Variants in DRC11 observed in about 807,000 individuals in gnomAD.
The protein encoded by DRC11 is IQ and AAA domain-containing protein 1.
the DRC11 span, among the ~76,000 whole-genome samples, chr2:236,398,069 C>G: frequency 6.6e-6 from 1 of 152,138 alleles, no homozygotes; most frequent in Non-Finnish European, 1.5e-5. The surrounding 1 kb of genome is among the most constrained non-coding windows in gnomAD (Gnocchi z 6.2). Context: ...CCTGCCCATA[C>G]GAGGAGAGCA....
chr2:236,484,211 T>C, the DRC11 span, among the ~76,000 whole-genome samples: 5 of 152,248 alleles, frequency 3.3e-5, no homozygotes, highest in Admixed American at 3.3e-4. Context: ...ACCTGACATA[T>C]ATATTTGTTA....
chr2:236,337,647 C>T, the DRC11 span, among the ~76,000 whole-genome samples: 1 of 152,238 alleles, frequency 6.6e-6, no homozygotes, highest in Non-Finnish European at 1.5e-5. The surrounding 1 kb of genome is among the most constrained non-coding windows in gnomAD (Gnocchi z 4.9). Flanking sequence ...ACTGCTTTGC[C>T]TCCCAGGGGC....
At chr2:236,450,314 CTTTTTTT>C in the DRC11 span, among the ~76,000 whole-genome samples, 8 of 82,374 alleles carry the variant, frequency 9.7e-5, no homozygotes, top group East Asian at 3.1e-4. Flanking sequence ...CTTTTCTTTT[CTTTTTTT>C]TTTTTTTTTT....
chr2:236,491,142 G>T, the DRC11 span, among the ~76,000 whole-genome samples: 1 of 39,352 alleles, frequency 2.5e-5, no homozygotes, highest in Non-Finnish European at 4.4e-5. Flanking sequence ...TATATATACA[G>T]TATATATATA....
the DRC11 span, among the ~76,000 whole-genome samples, chr2:236,366,096 G>T: frequency 1.3e-5 from 2 of 152,110 alleles, no homozygotes; most frequent in African/African-American, 4.8e-5. Flanking sequence ...CAGTGGACAC[G>T]GTTTCTGCTC....
the DRC11 span, among the ~76,000 whole-genome samples, chr2:236,356,215 G>A: frequency 5.3e-5 from 8 of 152,224 alleles, no homozygotes; most frequent in Non-Finnish European, 1.0e-4. Flanking sequence ...GATCCAGGGG[G>A]CCGCTGAAAC....
At chr2:236,425,399 C>T in the DRC11 span, among the ~76,000 whole-genome samples, 15 of 151,584 alleles carry the variant, frequency 9.9e-5, no homozygotes, top group African/African-American at 3.1e-4. Context: ...ATGTCTGTTG[C>T]GTTCAGCATT....
the DRC11 span, among the ~76,000 whole-genome samples, chr2:236,456,463 C>T: frequency 3.3e-5 from 5 of 152,176 alleles, no homozygotes; most frequent in Non-Finnish European, 7.3e-5. This position sits in a 1 kb window ranked among gnomAD's most constrained non-coding sequence, Gnocchi z 5.4. Context: ...CATCACATCA[C>T]AAGACTGAAA....
At chr2:236,368,101 T>A in the DRC11 span, 1 of 788,454 alleles carries the variant, frequency 1.3e-6, no homozygotes, top group East Asian at 2.7e-5. Flanking sequence ...AGGAGCACTG[T>A]ACTTTTGATG....
chr2:236,422,189 A>G, the DRC11 span, among the ~76,000 whole-genome samples: 5 of 152,210 alleles, frequency 3.3e-5, no homozygotes, highest in Admixed American at 6.5e-5. Context: ...TCAACATAGT[A>G]TTGGAAGTTC....
chr2:236,405,374 G>A, the DRC11 span, among the ~76,000 whole-genome samples: 1 of 151,510 alleles, frequency 6.6e-6, no homozygotes. The surrounding 1 kb of genome is among the most constrained non-coding windows in gnomAD (Gnocchi z 4.6). Flanking sequence ...CATGATCTGT[G>A]GTTTGTTGCA....
the DRC11 span, among the ~76,000 whole-genome samples, chr2:236,426,052 G>A: frequency 1.3e-5 from 2 of 151,914 alleles, no homozygotes; most frequent in African/African-American, 4.9e-5. The surrounding 1 kb of genome is among the most constrained non-coding windows in gnomAD (Gnocchi z 4.1). Context: ...AATATATTTG[G>A]AAATCAGGAA....
the DRC11 span, among the ~76,000 whole-genome samples, chr2:236,356,959 A>AAT: frequency 1.2e-4 from 13 of 110,312 alleles, no homozygotes; most frequent in Admixed American, 4.6e-4. Flanking sequence ...ATATATCATA[A>AAT]ATATATATAT....
the DRC11 span, among the ~76,000 whole-genome samples, chr2:236,357,233 G>A: frequency 2.0e-4 from 23 of 113,258 alleles, no homozygotes; most frequent in South Asian, 5.9e-3. Flanking sequence ...TATTATAAAT[G>A]TATATTCATA....
the DRC11 span, chr2:236,408,041 C>T: frequency 3.5e-6 from 2 of 576,082 alleles, no homozygotes; most frequent in Non-Finnish European, 6.7e-6. This position sits in a 1 kb window ranked among gnomAD's most constrained non-coding sequence, Gnocchi z 5.5. Context: ...AGGGTGAGCA[C>T]TCACTTCTTG....
the DRC11 span, among the ~76,000 whole-genome samples, chr2:236,378,366 G>A: frequency 2.0e-5 from 3 of 152,028 alleles, no homozygotes; most frequent in East Asian, 5.8e-4. Flanking sequence ...TCTAACAATC[G>A]AACAAATGAT....
chr2:236,312,565 A>G, the DRC11 span, among the ~76,000 whole-genome samples: 2 of 152,332 alleles, frequency 1.3e-5, no homozygotes, highest in Non-Finnish European at 2.9e-5. Flanking sequence ...ATAGATTTTC[A>G]GAAAAAATTG....
chr2:236,452,707 C>T, the DRC11 span, among the ~76,000 whole-genome samples: 2 of 152,226 alleles, frequency 1.3e-5, no homozygotes, highest in Admixed American at 1.3e-4. This position sits in a 1 kb window ranked among gnomAD's most constrained non-coding sequence, Gnocchi z 4.7. Context: ...CTGATTTATT[C>T]ATTGATGTTT....
chr2:236,422,897 G>A, the DRC11 span, among the ~76,000 whole-genome samples: 1,441 of 151,730 alleles, frequency 9.5e-3, 20 homozygotes, highest in African/African-American at 0.032. Flanking sequence ...AAATAATGCC[G>A]CATATCTACA....
Sources: gnomAD v4.1 joint callset for allele counts (sites outside exome capture counted in the v4.1 genomes callset) on GRCh38, gnomAD v4.1.1 for gene constraint, Gnocchi (gnomAD v3.1) non-coding constraint, MANE v1.5 for transcripts, NCBI Gene and HGNC (gene_info 2026-07-23, HGNC 2026-07-21) for gene names.